The following MROH9 variants were observed in gnomAD, a reference collection of about 807,000 sequenced individuals.
MROH9 encodes maestro heat like repeat family member 9, also known as maestro heat-like repeat-containing protein family member 9.
MROH9 carries 92 observed loss-of-function variants against 98.2 expected under a neutral mutation model. That is an observed-to-expected ratio of 0.94 (90% CI 0.79 to 1.11). The LOEUF is 1.11. MROH9 is among the 50% of genes most tolerant of loss of function. The pLI is 0.00. For missense variants in MROH9, 1,057 were observed against 1,014.8 expected, an observed-to-expected ratio of 1.04 and a Z score of -0.57; for synonymous variants, 397 against 368.9, an observed-to-expected ratio of 1.08 and a Z score of -0.87.
chr1:170,942,078 T>C (rs1649142004), intron 1 of MROH9, among the ~76,000 whole-genome samples: 1 of 152,200 alleles, frequency 6.6e-6, no homozygotes, highest in Non-Finnish European at 1.5e-5. Context: ...TTCAACTTTT[T>C]GTTTCTTCCA....
intron 11 of MROH9, among the ~76,000 whole-genome samples, chr1:170,990,584 A>T (rs1250907127): frequency 3.3e-5 from 5 of 152,164 alleles, no homozygotes; most frequent in African/African-American, 1.2e-4. Flanking sequence ...AGCTTAGAAA[A>T]ATCACACCAC....
chr1:170,998,378 C>G, intron 15 of MROH9, 104 bp downstream of exon 15: 1 of 1,610,578 alleles, frequency 6.2e-7, no homozygotes, highest in Non-Finnish European at 8.5e-7. Context: ...AATGTTGGTT[C>G]TTACCAAGAC....
chr1:171,016,912 C>T (rs752849250), intron 17 of MROH9, among the ~76,000 whole-genome samples: 56 of 151,886 alleles, frequency 3.7e-4, no homozygotes, highest in Non-Finnish European at 5.7e-4. Flanking sequence ...CTTTGGTATG[C>T]CATGGGGAAT....
chr1:170,961,464 G>A (rs1446665227), intron 5 of MROH9, among the ~76,000 whole-genome samples: 1 of 152,086 alleles, frequency 6.6e-6, no homozygotes, highest in Admixed American at 6.6e-5. Flanking sequence ...GAATTCTCAA[G>A]CAAAATCACA....
At chr1:170,959,181 C>G (rs1649908366) in intron 4 of MROH9, among the ~76,000 whole-genome samples, 1 of 152,042 alleles carries the variant, frequency 6.6e-6, no homozygotes. Flanking sequence ...CGAGACCATC[C>G]TAGCTAACAT....
chr1:170,947,365 TACTC>T (rs59797153), intron 2 of MROH9, among the ~76,000 whole-genome samples, 158 bp from the exon 3 acceptor site: 1,841 of 152,146 alleles, frequency 0.012, 37 homozygotes, highest in African/African-American at 0.042. Flanking sequence ...TGTCCAGTAA[TACTC>T]ACAGTAAATT....
chr1:171,028,995 T>A (rs1374812749), intron 20 of MROH9, among the ~76,000 whole-genome samples: 2 of 152,202 alleles, frequency 1.3e-5, no homozygotes, highest in Non-Finnish European at 2.9e-5. Context: ...GTTTGAATAC[T>A]CTTTATTTTT....
chr1:170,994,871 A>G (rs934392519), intron 12 of MROH9, among the ~76,000 whole-genome samples: 1 of 150,892 alleles, frequency 6.6e-6, no homozygotes, highest in Non-Finnish European at 1.5e-5. Flanking sequence ...GGATTTCAAT[A>G]TTCAGGATTA....
chr1:170,998,762 T>C, intron 15 of MROH9: 2 of 980,658 alleles, frequency 2.0e-6, no homozygotes, highest in Non-Finnish European at 2.4e-6. Context: ...TCAAGCAAAT[T>C]GACAAACTTT....
chr1:171,062,908 C>T (rs1557919511), intron 21 of MROH9, among the ~76,000 whole-genome samples: 1 of 152,014 alleles, frequency 6.6e-6, no homozygotes, highest in African/African-American at 2.4e-5. Context: ...CCCCCATTAT[C>T]GACATCCCCC....
chr1:170,970,012 C>T (rs1285476020), intron 7 of MROH9, among the ~76,000 whole-genome samples: 1 of 152,106 alleles, frequency 6.6e-6, no homozygotes, highest in African/African-American at 2.4e-5. Context: ...CCTAAACATG[C>T]CTTTTTAGTT....
intron 17 of MROH9, among the ~76,000 whole-genome samples, chr1:171,018,360 CAA>C (rs59253795): frequency 1.5e-5 from 2 of 136,720 alleles, no homozygotes; most frequent in Non-Finnish European, 1.6e-5. Flanking sequence ...ACAGCACCAA[CAA>C]AAAAAAAAAA....
At chr1:170,953,311 C>T (rs186519447) in intron 3 of MROH9, among the ~76,000 whole-genome samples, 17 of 151,746 alleles carry the variant, frequency 1.1e-4, no homozygotes, top group African/African-American at 2.2e-4. Flanking sequence ...TTTTTCTTAA[C>T]GGTATCTTTT....
intron 16 of MROH9, chr1:171,015,199 A>G: frequency 5.2e-6 from 2 of 383,206 alleles, no homozygotes; most frequent in Admixed American, 6.2e-5. Flanking sequence ...GTGCATTTAG[A>G]ATGACATAAG....
intron 14 of MROH9, among the ~76,000 whole-genome samples, chr1:170,996,931 T>C (rs1443304484): frequency 6.6e-6 from 1 of 152,138 alleles, no homozygotes; most frequent in Non-Finnish European, 1.5e-5. Context: ...TAGAAGTGAG[T>C]TTGGTTTTTT....
At chr1:170,971,592 GAGTC>G (rs1650459209) in intron 7 of MROH9, among the ~76,000 whole-genome samples, 152 bp from the exon 8 acceptor site, 7 of 152,318 alleles carry the variant, frequency 4.6e-5, no homozygotes, top group African/African-American at 1.7e-4. Context: ...AGGAAATTGA[GAGTC>G]AGTAACGGGG....
At chr1:171,033,259 C>T (rs911019439) in intron 20 of MROH9, among the ~76,000 whole-genome samples, 2 of 152,270 alleles carry the variant, frequency 1.3e-5, no homozygotes, top group African/African-American at 4.8e-5. Context: ...GCTCAAATGG[C>T]TTAGGGTGCA....
intron 10 of MROH9, among the ~76,000 whole-genome samples, chr1:170,987,004 C>G (rs1054535238): frequency 6.6e-6 from 1 of 151,882 alleles, no homozygotes; most frequent in Non-Finnish European, 1.5e-5. Context: ...GCATGTACCA[C>G]CACACCCGGC....
At chr1:171,035,873 C>T (rs768863887) in intron 20 of MROH9, among the ~76,000 whole-genome samples, 6 of 151,966 alleles carry the variant, frequency 3.9e-5, no homozygotes, top group Admixed American at 6.6e-5. Flanking sequence ...CTGATAAAGC[C>T]GAACACATAG....
Sources: gnomAD v4.1 joint callset for allele counts (sites outside exome capture counted in the v4.1 genomes callset) on GRCh38, gnomAD v4.1.1 for gene constraint, MANE v1.5 for transcripts, NCBI Gene and HGNC (gene_info 2026-07-23, HGNC 2026-07-21) for gene names.